Variants in PCDH11X observed in about 807,000 individuals in gnomAD.
PCDH11X encodes the protein protocadherin-11 X-linked.
Under a neutral mutation model 53.3 loss-of-function variants are expected in PCDH11X, and 18 were observed. That is an observed-to-expected ratio of 0.34 (90% CI 0.23 to 0.50). PCDH11X has a LOEUF of 0.50. PCDH11X is among the 20% of genes least tolerant of loss of function. The probability of loss-of-function intolerance (pLI) is 0.98; values close to 1 mark genes in which losing one functional copy is unlikely to be tolerated. For missense variants in PCDH11X, 570 were observed against 1,032.4 expected, an observed-to-expected ratio of 0.55 and a Z score of 6.14; for synonymous variants, 279 against 393.3, an observed-to-expected ratio of 0.71 and a Z score of 3.44.
At chrX:91,799,483 G>A (rs1380823146) in intron 1 of PCDH11X, among the ~76,000 whole-genome samples, 7 of 111,335 alleles carry the variant, frequency 6.3e-5, no homozygotes, top group Non-Finnish European at 1.3e-4. Flanking sequence ...GTTGTTTAAA[G>A]ATTCACAAAA....
chrX:92,579,045 C>T (rs1478972072), intron 10 of PCDH11X, among the ~76,000 whole-genome samples: 1 of 107,136 alleles, frequency 9.3e-6, no homozygotes, highest in African/African-American at 3.4e-5. Context: ...GTTGGCAATT[C>T]TTTCTTTAAG....
intron 8 of PCDH11X, among the ~76,000 whole-genome samples, chrX:92,302,355 C>T (rs899498218): frequency 6.3e-5 from 7 of 110,431 alleles, no homozygotes; most frequent in East Asian, 2.9e-4. Flanking sequence ...CACAGACTCT[C>T]GCTCTTTTTG....
In PCDH11X at chrX:92,618,388, G is replaced by A. The variant is rs777532189; in HGVS notation, c.3492G>A (p.Ser1164=). ...MPASLDHSSS[S]QAQASALCHS... ...CATCTCTGGATCATTCCAGCTCTTC[G>A]CAAGCACAGGCCTCTGCTCTATGCC... The change falls in exon 11 of 11, where the codon TCG becomes TCA. Residue 1164 remains serine (S), a synonymous_variant. Transcript: ENST00000682573. The A allele has an allele frequency of 4.4e-5, 53 of 1,209,512 alleles. No homozygotes were observed. The highest frequency in any genetic ancestry group is 7.0e-5 in the African/African-American group (4 of 56,958).
intron 4 of PCDH11X, among the ~76,000 whole-genome samples, chrX:91,824,675 C>T (rs1367784575): frequency 1.9e-5 from 2 of 104,368 alleles, no homozygotes; most frequent in East Asian, 2.9e-4. Context: ...TCTCTCAGCT[C>T]GTCAAAGTCA....
At chrX:92,380,722 A>G (rs1302804514) in intron 8 of PCDH11X, among the ~76,000 whole-genome samples, 1 of 110,992 alleles carries the variant, frequency 9.0e-6, no homozygotes, top group Admixed American at 9.7e-5. Context: ...GTTGGAGACT[A>G]TATCTTTCTA....
chrX:91,957,782 T>A (rs930416733), intron 6 of PCDH11X, among the ~76,000 whole-genome samples: 2 of 108,737 alleles, frequency 1.8e-5, no homozygotes, highest in African/African-American at 6.8e-5. Flanking sequence ...GTCTGGCTGC[T>A]TTTTGGTAGA....
chrX:92,379,981 C>A (rs1228740252), intron 8 of PCDH11X, among the ~76,000 whole-genome samples: 1 of 101,240 alleles, frequency 9.9e-6, no homozygotes, highest in African/African-American at 3.6e-5. Flanking sequence ...CACCACCCCC[C>A]CCACCCCAAC....
chrX:92,211,766 A>G (rs998853797), intron 7 of PCDH11X, among the ~76,000 whole-genome samples: 17 of 111,765 alleles, frequency 1.5e-4, no homozygotes, highest in African/African-American at 5.5e-4. Flanking sequence ...TCTATAATTT[A>G]TGACAGAATG....
At chrX:91,905,629 G>A (rs1941124795) in intron 6 of PCDH11X, among the ~76,000 whole-genome samples, 1 of 110,949 alleles carries the variant, frequency 9.0e-6, no homozygotes, top group South Asian at 3.7e-4. Context: ...TATATTTTAT[G>A]CCTAATTGGA....
rs190044695 is a variant in PCDH11X, at chrX:92,122,655, A to G, written c.3034-78720A>G. 7.9e-3 allele frequency among the ~76,000 whole-genome samples: 883 copies of G among 111,949 alleles called. 4 individuals are homozygous for G. The highest frequency in any genetic ancestry group is 0.028 in the African/African-American group (864 of 30,841). ...ATTTAAGAAAATCGTAATCTGGGCCAGGAGCAGGCAGTGGCTCACACCTGT... is the reference window on the plus strand; with the variant it reads ...ATTTAAGAAAATCGTAATCTGGGCCGGGAGCAGGCAGTGGCTCACACCTGT... On this transcript the variant is annotated intron_variant, in intron 6 of 10. Transcript: ENST00000682573.
intron 6 of PCDH11X, among the ~76,000 whole-genome samples, chrX:92,001,211 A>G (rs1364717483): frequency 9.0e-6 from 1 of 111,044 alleles, no homozygotes; most frequent in Non-Finnish European, 1.9e-5. Flanking sequence ...TATAAGAATT[A>G]TTTTTTCTCC....
At chrX:92,111,356 T>G (rs1426825925) in intron 6 of PCDH11X, among the ~76,000 whole-genome samples, 1 of 109,496 alleles carries the variant, frequency 9.1e-6, no homozygotes, top group African/African-American at 3.3e-5. Context: ...ACTCAGTGCT[T>G]CTAGTTATTA....
At chrX:91,780,751 TG>T (rs1245324407) in intron 1 of PCDH11X, among the ~76,000 whole-genome samples, 1 of 112,449 alleles carries the variant, frequency 8.9e-6, no homozygotes, top group Non-Finnish European at 1.9e-5. Flanking sequence ...CGCAAACGGG[TG>T]TATTTTTTAG....
chrX:92,595,330 T>G lies in PCDH11X; in HGVS notation c.3368-22934T>G, dbSNP rs187494737. ...AATTCACCCAATTAATACAGTTATT[T>G]GTAAGCATAGATAAATCTGTGGCTA... is the stretch of plus-strand genomic sequence containing the variant. On this transcript the variant is annotated intron_variant, in intron 10 of 10. Coordinates refer to ENST00000682573, the MANE Select transcript of PCDH11X (RefSeq NM_032968.5). 2.4e-3 allele frequency among the ~76,000 whole-genome samples: 265 copies of G among 110,699 alleles called. 2 individuals are homozygous for G. Among genetic ancestry groups the G allele is most frequent in the African/African-American group, 8.2e-3 (250 of 30,413 alleles).
At chrX:91,835,099 C>G (rs1381227437) in intron 4 of PCDH11X, 1 of 644,974 alleles carries the variant, frequency 1.6e-6, no homozygotes, top group African/African-American at 2.5e-5. Flanking sequence ...TGATTTGTAA[C>G]AAATACCCTT....
At chrX:92,515,506 AGCC>A (rs938712553) in intron 10 of PCDH11X, 568 of 320,336 alleles carry the variant, frequency 1.8e-3, no homozygotes, top group East Asian at 2.5e-3. Flanking sequence ...ATTTCGCTGT[AGCC>A]GCCGCCGCCG....
At chrX:92,070,374 T>G (rs5984869) in intron 6 of PCDH11X, among the ~76,000 whole-genome samples, 32,497 of 110,402 alleles carry the variant, frequency 0.29, 5,346 homozygotes, top group African/African-American at 0.62. Context: ...CCCTCAGGTT[T>G]TGGTTGTGTG....
chrX:92,100,496 C>G (rs1319002718), intron 6 of PCDH11X, among the ~76,000 whole-genome samples: 1 of 110,502 alleles, frequency 9.0e-6, no homozygotes, highest in Non-Finnish European at 1.9e-5. Context: ...AGGAAAAGGA[C>G]TTTCACAAGG....
intron 5 of PCDH11X, among the ~76,000 whole-genome samples, chrX:91,846,550 G>A (rs1937675152): frequency 9.2e-6 from 1 of 108,496 alleles, no homozygotes; most frequent in Admixed American, 9.9e-5. Flanking sequence ...CCCGGGAGGC[G>A]GAGCTTGAAG....
Sources: allele counts gnomAD v4.1 joint callset (sites outside exome capture counted in the v4.1 genomes callset), GRCh38; gene constraint gnomAD v4.1.1; transcripts MANE v1.5; gene names NCBI Gene and HGNC (gene_info 2026-07-23, HGNC 2026-07-21).